The following ENOX1 variants were observed in gnomAD, a reference collection of about 807,000 sequenced individuals.
ENOX1 encodes the protein ecto-NOX disulfide-thiol exchanger 1.
A neutral mutation model predicts 82.5 loss-of-function variants in ENOX1; 42 were observed. The observed-to-expected ratio is 0.51, with a 90% CI of 0.40 to 0.66. ENOX1 has a LOEUF of 0.66. Among genes scored for constraint, ENOX1 ranks in the 30% least tolerant of loss-of-function variants. The probability of loss-of-function intolerance (pLI) is 0.00; values close to 1 mark genes in which losing one functional copy is unlikely to be tolerated. For missense variants in ENOX1, 608 were observed against 811.6 expected, an observed-to-expected ratio of 0.75 and a Z score of 3.05; for synonymous variants, 271 against 282.2, an observed-to-expected ratio of 0.96 and a Z score of 0.40.
intron 2 of ENOX1, among the ~76,000 whole-genome samples, chr13:43,575,247 T>C (rs769724877): frequency 2.2e-4 from 33 of 152,108 alleles, no homozygotes; most frequent in Non-Finnish European, 3.8e-4. Context: ...ATGAGAACCA[T>C]TAGGAAGCTT....
At chr13:43,575,844 G>A (rs2080398157) in intron 2 of ENOX1, among the ~76,000 whole-genome samples, 1 of 152,150 alleles carries the variant, frequency 6.6e-6, no homozygotes, top group Admixed American at 6.5e-5. Flanking sequence ...CAGTCATGAT[G>A]GTGACAAGGG....
intron 8 of ENOX1, among the ~76,000 whole-genome samples, chr13:43,355,455 T>C (rs568075736): frequency 6.6e-6 from 1 of 152,354 alleles, no homozygotes; most frequent in East Asian, 1.9e-4. Flanking sequence ...TCTGCTGTTT[T>C]GCCTGAAGAA....
chr13:43,435,698 A>G (rs1338348656), intron 3 of ENOX1, among the ~76,000 whole-genome samples: 1 of 152,206 alleles, frequency 6.6e-6, no homozygotes, highest in East Asian at 1.9e-4. Context: ...TTTTAAATAT[A>G]ATGGTTCAGA....
intron 1 of ENOX1, among the ~76,000 whole-genome samples, chr13:43,779,007 T>C (rs1952084871): frequency 6.6e-6 from 1 of 152,164 alleles, no homozygotes; most frequent in South Asian, 2.1e-4. Context: ...GTACTCATGA[T>C]TGTCTGAGCA....
intron 1 of ENOX1, among the ~76,000 whole-genome samples, chr13:43,685,833 T>A (rs1319051906): frequency 6.7e-6 from 1 of 149,910 alleles, no homozygotes; most frequent in Non-Finnish European, 1.5e-5. Context: ...TCCTCAAGAA[T>A]CTAACAGACT....
chr13:43,416,672 TC>T (rs2054602636), intron 3 of ENOX1, among the ~76,000 whole-genome samples: 1 of 137,454 alleles, frequency 7.3e-6, no homozygotes, highest in South Asian at 2.4e-4. Context: ...GCAGAGGCAC[TC>T]CTCACTTCCC....
At chr13:43,569,085 A>T (rs567852184) in intron 2 of ENOX1, among the ~76,000 whole-genome samples, 6 of 152,332 alleles carry the variant, frequency 3.9e-5, no homozygotes, top group African/African-American at 1.4e-4. Flanking sequence ...AGTAATAGAA[A>T]ATCAATGGCT....
chr13:43,772,148 A>G (rs1043899280), intron 1 of ENOX1, among the ~76,000 whole-genome samples: 2 of 152,032 alleles, frequency 1.3e-5, no homozygotes, highest in African/African-American at 4.8e-5. Context: ...TTCCAAAGTT[A>G]ATTTCTAGCA....
chr13:43,291,621 C>T (rs187038101), intron 12 of ENOX1, among the ~76,000 whole-genome samples: 1 of 152,220 alleles, frequency 6.6e-6, no homozygotes, highest in Non-Finnish European at 1.5e-5. Flanking sequence ...ATTTGCAATA[C>T]TCTCCATGCT....
At chr13:43,642,909 T>C (rs1171892539) in intron 2 of ENOX1, among the ~76,000 whole-genome samples, 1 of 152,172 alleles carries the variant, frequency 6.6e-6, no homozygotes, top group Non-Finnish European at 1.5e-5. Context: ...CTGAAAGGCA[T>C]GAAATATTAA....
intron 1 of ENOX1, among the ~76,000 whole-genome samples, chr13:43,777,690 C>T (rs1317174053): frequency 6.6e-6 from 1 of 151,946 alleles, no homozygotes; most frequent in Non-Finnish European, 1.5e-5. Context: ...TTACAGGCGC[C>T]CACCACTATG....
At chr13:43,467,159 T>A (rs1440963501) in intron 3 of ENOX1, among the ~76,000 whole-genome samples, 2 of 152,206 alleles carry the variant, frequency 1.3e-5, no homozygotes, top group African/African-American at 4.8e-5. Flanking sequence ...GAGATAACTC[T>A]ATGATTAACT....
At chr13:43,533,587 C>T (rs982106743) in intron 2 of ENOX1, among the ~76,000 whole-genome samples, 1 of 152,044 alleles carries the variant, frequency 6.6e-6, no homozygotes, top group Non-Finnish European at 1.5e-5. Flanking sequence ...CCAGTTTATA[C>T]GTTTTCTAAC....
chr13:43,378,605 C>T (rs997035403), intron 5 of ENOX1, among the ~76,000 whole-genome samples: 3 of 152,134 alleles, frequency 2.0e-5, no homozygotes, highest in Non-Finnish European at 2.9e-5. Context: ...TGTAGTAGGA[C>T]AAAACTAGCC....
intron 2 of ENOX1, among the ~76,000 whole-genome samples, chr13:43,589,402 A>T (rs975310109): frequency 5.3e-5 from 8 of 152,090 alleles, no homozygotes; most frequent in African/African-American, 1.9e-4. Context: ...CTCAGGATAA[A>T]TATAGCAAGA....
chr13:43,485,784 C>T (rs1021340116), intron 2 of ENOX1, among the ~76,000 whole-genome samples: 13 of 152,220 alleles, frequency 8.5e-5, no homozygotes, highest in Admixed American at 8.5e-4. Flanking sequence ...CACTCAGAAA[C>T]ACATTTTCAG....
intron 5 of ENOX1, among the ~76,000 whole-genome samples, chr13:43,386,861 G>T (rs919401661): frequency 2.0e-5 from 3 of 152,106 alleles, no homozygotes; most frequent in South Asian, 2.1e-4. Context: ...TTGACAACAA[G>T]CTTTCAAATT....
At chr13:43,768,086 C>T (rs1338551096) in intron 1 of ENOX1, among the ~76,000 whole-genome samples, 1 of 152,216 alleles carries the variant, frequency 6.6e-6, no homozygotes, top group African/African-American at 2.4e-5. Flanking sequence ...TTTTTCCCCA[C>T]TAAGTACTCT....
At chr13:43,423,022 G>A (rs1360006224) in intron 3 of ENOX1, among the ~76,000 whole-genome samples, 1 of 152,130 alleles carries the variant, frequency 6.6e-6, no homozygotes, top group East Asian at 1.9e-4. Flanking sequence ...AGAAGCCACT[G>A]GAGATCTTGC....
Sources: allele counts gnomAD v4.1 joint callset (sites outside exome capture counted in the v4.1 genomes callset), GRCh38; gene constraint gnomAD v4.1.1; transcripts MANE v1.5; gene names NCBI Gene and HGNC (gene_info 2026-07-23, HGNC 2026-07-21).